The following CACNA2D3 variants were observed in gnomAD, a reference collection of about 807,000 sequenced individuals.
CACNA2D3 encodes calcium voltage-gated channel auxiliary subunit alpha2delta 3.
CACNA2D3 carries 60 observed loss-of-function variants against 160.6 expected under a neutral mutation model. The ratio of observed to expected loss-of-function variants is 0.37; its 90% CI spans 0.30 to 0.46. The LOEUF (loss-of-function observed/expected upper bound fraction) is 0.46. Ranked by LOEUF, CACNA2D3 falls within the 20% of genes least tolerant of loss-of-function variation. The pLI is 1.00. For missense variants in CACNA2D3, 1,205 were observed against 1,365.0 expected, an observed-to-expected ratio of 0.88 and a Z score of 1.85; for synonymous variants, 558 against 492.9, an observed-to-expected ratio of 1.13 and a Z score of -1.75.
intron 2 of CACNA2D3, among the ~76,000 whole-genome samples, chr3:54,196,896 C>T (rs1399303144): frequency 1.3e-5 from 2 of 152,092 alleles, no homozygotes; most frequent in African/African-American, 4.8e-5. Flanking sequence ...AAGATAAATG[C>T]CAGACATGAT....
chr3:54,559,291 T>C (rs1702287736), intron 5 of CACNA2D3, among the ~76,000 whole-genome samples: 1 of 152,052 alleles, frequency 6.6e-6, no homozygotes, highest in South Asian at 2.1e-4. Flanking sequence ...TTTCCAACTT[T>C]TATTTTATTT....
At chr3:54,908,406 A>G (rs910316337) in intron 27 of CACNA2D3, among the ~76,000 whole-genome samples, 10 of 152,194 alleles carry the variant, frequency 6.6e-5, no homozygotes. Flanking sequence ...AGAGTTGTTC[A>G]TATATTCTGG....
At chr3:54,606,399 G>A (rs1226808147) in intron 9 of CACNA2D3, among the ~76,000 whole-genome samples, 1 of 152,112 alleles carries the variant, frequency 6.6e-6, no homozygotes, top group Non-Finnish European at 1.5e-5. Flanking sequence ...GAAGGTTACT[G>A]CCAAGATTCA....
intron 11 of CACNA2D3, among the ~76,000 whole-genome samples, chr3:54,742,208 C>G (rs1477694412): frequency 6.6e-6 from 1 of 152,076 alleles, no homozygotes; most frequent in African/African-American, 2.4e-5. Flanking sequence ...CACATGAGCC[C>G]AGGAGTTCAA....
chr3:54,852,603 A>G (rs1699082499), intron 17 of CACNA2D3, among the ~76,000 whole-genome samples: 1 of 152,062 alleles, frequency 6.6e-6, no homozygotes, highest in Non-Finnish European at 1.5e-5. Context: ...CCCATTCCAA[A>G]CATGGATTCT....
chr3:54,882,540 A>G (rs1699825370), intron 21 of CACNA2D3, among the ~76,000 whole-genome samples: 1 of 152,198 alleles, frequency 6.6e-6, no homozygotes, highest in African/African-American at 2.4e-5. Context: ...AACTGTAACC[A>G]CTGTGCAAAA....
In CACNA2D3 at chr3:54,885,507, C is replaced by T. The variant is rs753881066; in HGVS notation, c.1977C>T (p.Asp659=). 5.0e-6 allele frequency: 8 copies of T among 1,613,424 alleles called. No individual in the cohort carries two copies. The South Asian group carries it at 7.7e-5, about 16-fold the overall frequency. ...LADEWSYCNT[D]LHPEHRHLSQ... ...TTCTTAGGTCCTACTGCAACACTGA[C>T]CTACACCCTGAGCACCGCCATCTGT... The change falls in exon 23 of 38, where the codon GAC becomes GAT. Residue 659 remains aspartate (D), a synonymous_variant. Transcript: ENST00000474759.
intron 5 of CACNA2D3, among the ~76,000 whole-genome samples, chr3:54,561,983 G>T (rs780731788): frequency 6.6e-5 from 10 of 152,118 alleles, no homozygotes; most frequent in Non-Finnish European, 1.3e-4. Flanking sequence ...AAAAGTCTCA[G>T]GTCTCGTGAG....
intron 13 of CACNA2D3, among the ~76,000 whole-genome samples, chr3:54,807,500 A>G (rs1052524154): frequency 3.9e-5 from 6 of 152,136 alleles, no homozygotes; most frequent in African/African-American, 7.2e-5. Flanking sequence ...CAAAACCACA[A>G]TGAGATACCA....
intron 11 of CACNA2D3, among the ~76,000 whole-genome samples, chr3:54,672,217 TGTTGGACCAAGCG>T (rs1466867871): frequency 6.6e-6 from 1 of 152,220 alleles, no homozygotes; most frequent in Non-Finnish European, 1.5e-5. Flanking sequence ...GCACCTTTGC[TGTTGGACCAAGCG>T]GTGCTTTTAT....
At chr3:54,940,501 G>A (rs752387014) in intron 27 of CACNA2D3, among the ~76,000 whole-genome samples, 4 of 152,248 alleles carry the variant, frequency 2.6e-5, no homozygotes, top group Admixed American at 6.5e-5. Context: ...TTCGGGCCAT[G>A]TGTTTTATTT....
intron 27 of CACNA2D3, among the ~76,000 whole-genome samples, chr3:54,923,751 T>G (rs959595711): frequency 6.6e-6 from 1 of 152,166 alleles, no homozygotes; most frequent in Non-Finnish European, 1.5e-5. Flanking sequence ...AAGCCATGCC[T>G]TCTGTTCTCA....
chr3:55,050,354 C>T (rs972071617), intron 35 of CACNA2D3, among the ~76,000 whole-genome samples: 4 of 152,078 alleles, frequency 2.6e-5, no homozygotes, highest in Admixed American at 2.6e-4. Context: ...ATTTCTCCTT[C>T]ACTTCTGAAG....
At chr3:54,811,913 T>C (rs1407176434) in intron 13 of CACNA2D3, among the ~76,000 whole-genome samples, 1 of 152,210 alleles carries the variant, frequency 6.6e-6, no homozygotes, top group East Asian at 1.9e-4. Flanking sequence ...ATCTGCAGAA[T>C]TAGAGTAATA....
intron 4 of CACNA2D3, among the ~76,000 whole-genome samples, chr3:54,404,420 C>T (rs186400032): frequency 1.6e-4 from 24 of 152,212 alleles, no homozygotes; most frequent in Admixed American, 1.4e-3. Flanking sequence ...AAGCATTCAA[C>T]AAAGTTCAAC....
intron 4 of CACNA2D3, among the ~76,000 whole-genome samples, chr3:54,476,279 A>T (rs756041822): frequency 6.6e-6 from 1 of 150,520 alleles, no homozygotes; most frequent in Non-Finnish European, 1.5e-5. Context: ...TATATCACAT[A>T]TATCACATTT....
chr3:54,651,434 A>T (rs1029129532), intron 11 of CACNA2D3, among the ~76,000 whole-genome samples: 2 of 151,930 alleles, frequency 1.3e-5, no homozygotes, highest in African/African-American at 4.8e-5. Flanking sequence ...AGAAAAAAAA[A>T]AAAAAAAGCA....
chr3:54,171,135 A>ATTTTTT (rs1700557445), intron 2 of CACNA2D3, among the ~76,000 whole-genome samples: 2 of 18,750 alleles, frequency 1.1e-4, no homozygotes, highest in Non-Finnish European at 2.3e-4. Context: ...AAAGATGATG[A>ATTTTTT]CTTTTTTTTT....
chr3:54,362,946 C>T (rs1160489385), intron 3 of CACNA2D3, among the ~76,000 whole-genome samples: 1 of 152,174 alleles, frequency 6.6e-6, no homozygotes, highest in Non-Finnish European at 1.5e-5. Flanking sequence ...CCTGTAATCC[C>T]AGCACTTTGG....
Sources: allele counts gnomAD v4.1 joint callset (sites outside exome capture counted in the v4.1 genomes callset), GRCh38; gene constraint gnomAD v4.1.1; transcripts MANE v1.5; gene names NCBI Gene and HGNC (gene_info 2026-07-23, HGNC 2026-07-21).